GPAT4: variants seen among roughly 807,000 people sequenced by gnomAD.
GPAT4 encodes the protein 1-AGP acyltransferase 6.
Under a neutral mutation model 58.0 loss-of-function variants are expected in GPAT4, and 17 were observed. That is an observed-to-expected ratio of 0.29 (90% CI 0.20 to 0.44). The LOEUF is 0.44. Ranked by LOEUF, GPAT4 falls within the 20% of genes least tolerant of loss-of-function variation. The pLI is 1.00. For missense variants in GPAT4, 377 were observed against 574.5 expected, an observed-to-expected ratio of 0.66 and a Z score of 3.51; for synonymous variants, 204 against 210.1, an observed-to-expected ratio of 0.97 and a Z score of 0.25.
At chr8:41,582,695 G>GT (rs1554500376) in intron 1 of GPAT4, among the ~76,000 whole-genome samples, 78 of 147,534 alleles carry the variant, frequency 5.3e-4, no homozygotes, top group African/African-American at 1.9e-3. Flanking sequence ...GTGTGTGTGT[G>GT]GGTGTATCTC....
chr8:41,621,823 A>T lies in GPAT4; in HGVS notation c.*822A>T, dbSNP rs1043444. On this transcript the variant is annotated 3_prime_UTR_variant, in exon 13 of 13. Coordinates refer to ENST00000396987, the MANE Select transcript of GPAT4 (RefSeq NM_178819.4). Reference sequence around the variant, plus strand: ...CGTTCAGTGTTTCAAGTACAGGCCCACAAAACGGGGCACGGCAGGCCTGAG... The same window carrying T: ...CGTTCAGTGTTTCAAGTACAGGCCCTCAAAACGGGGCACGGCAGGCCTGAG... The T allele has an allele frequency of 1.3e-5, 2 of 152,250 alleles. No homozygotes were observed. The highest frequency in any genetic ancestry group is 2.9e-5 in the Non-Finnish European group (2 of 68,068). 9.4% of individuals were successfully genotyped at this position (152,250 alleles called of 1,614,324 possible). A position where few individuals can be genotyped will look rare whatever the true frequency, so the allele number is the denominator to read the frequency against.
chr8:41,612,079 T>C (rs770953644), intron 6 of GPAT4, 87 bp downstream of exon 6: 43 of 1,589,310 alleles, frequency 2.7e-5, no homozygotes, highest in Non-Finnish European at 1.6e-5. Context: ...AAGACACTTC[T>C]GAGCTTTTAG....
rs987236940 is a variant in GPAT4, at chr8:41,610,502, C to G, written c.537-234C>G. 96 of 1,387,182 alleles carry G rather than the reference C, an allele frequency of 6.9e-5. 1 individual carries two copies. The highest frequency in any genetic ancestry group is 7.7e-5 in the Non-Finnish European group (82 of 1,069,354). 85.9% of individuals were successfully genotyped at this position (1,387,182 alleles called of 1,614,324 possible). A position where few individuals can be genotyped will look rare whatever the true frequency, so the allele number is the denominator to read the frequency against. ...TTCCAGCCTTCCAGCTGCCTGAGGC[C>G]TCAGGAGATGCAGGCAGCTGAGAGC... is the stretch of plus-strand genomic sequence containing the variant. On this transcript the variant is annotated intron_variant, in intron 4 of 12. Coordinates refer to ENST00000396987, the MANE Select transcript of GPAT4 (RefSeq NM_178819.4).
intron 12 of GPAT4, among the ~76,000 whole-genome samples, chr8:41,620,686 C>A (rs1049524111): frequency 6.6e-6 from 1 of 152,126 alleles, no homozygotes; most frequent in Non-Finnish European, 1.5e-5. Context: ...CACCCAAGGG[C>A]AAGGGTAGAC....
chr8:41,610,927 A>G, intron 5 of GPAT4, 117 bp downstream of exon 5: 6 of 1,108,384 alleles, frequency 5.4e-6, no homozygotes, highest in Non-Finnish European at 6.2e-6. Flanking sequence ...TCTTAGATGG[A>G]TTAAATAACC....
At chr8:41,586,433 G>C (rs1802656142) in intron 1 of GPAT4, among the ~76,000 whole-genome samples, 1 of 152,130 alleles carries the variant, frequency 6.6e-6, no homozygotes, top group Admixed American at 6.6e-5. Context: ...ATGTACTTAG[G>C]AGTAGAATTG....
chr8:41,600,277 A>G (rs1001896878), intron 2 of GPAT4, among the ~76,000 whole-genome samples: 7 of 151,966 alleles, frequency 4.6e-5, no homozygotes, highest in Admixed American at 4.6e-4. Context: ...TGACCCCTCA[A>G]GTGATCTGTC....
chr8:41,595,332 T>C (rs1802900843), intron 1 of GPAT4, among the ~76,000 whole-genome samples: 1 of 141,852 alleles, frequency 7.0e-6, no homozygotes, highest in Non-Finnish European at 1.5e-5. Context: ...TTCCTTTTTT[T>C]TTTTTTTTTT....
At position 41,609,908 on chromosome 8, in the gene GPAT4, G is replaced by A. The variant is rs139697712; in HGVS notation, c.489G>A (p.Leu163=). 7.2e-4 allele frequency: 1,168 copies of A among 1,614,002 alleles called. 11 individuals are homozygous for A. The African/African-American group carries it at 0.013, about 19-fold the overall frequency. The change falls in exon 4 of 13, where the codon CTG becomes CTA. Residue 163 remains leucine, a synonymous_variant. Transcript: ENST00000396987. ...ACATCAGCCTTCGGCTCACGGTCCT[G>A]TGGGGGTTAGGAGTGCTGATTCGGT... ...FQYISLRLTV[L]WGLGVLIRYC... is the part of the protein sequence containing the mutation.
chr8:41,590,052 A>C (rs1296462528), intron 1 of GPAT4, among the ~76,000 whole-genome samples: 2 of 152,116 alleles, frequency 1.3e-5, no homozygotes, highest in Non-Finnish European at 2.9e-5. Context: ...CCACCACCAA[A>C]TTCTGATAAT....
intron 6 of GPAT4, 59 bp from the exon 7 acceptor site, chr8:41,612,119 GGT>G: frequency 3.8e-6 from 6 of 1,588,138 alleles, no homozygotes; most frequent in Non-Finnish European, 5.2e-6. Flanking sequence ...TGAGGTGAGA[GGT>G]GTGTTACATG....
At position 41,621,157 on chromosome 8, in the gene GPAT4, G is replaced by T. The variant is rs1404016747; in HGVS notation, c.*156G>T. Reference sequence around the variant, plus strand: ...CTCCGGCTTTCGCCGAGCCGCAGCGGGATCCCTGTGCACCCGGCGCAGCCT... The same window carrying T: ...CTCCGGCTTTCGCCGAGCCGCAGCGTGATCCCTGTGCACCCGGCGCAGCCT... On this transcript the variant is annotated 3_prime_UTR_variant, in exon 13 of 13. Transcript: ENST00000396987. The T allele has an allele frequency of 4.5e-6, 5 of 1,110,660 alleles. No homozygotes were observed. Among genetic ancestry groups the T allele is most frequent in the Non-Finnish European group, 5.0e-6 (4 of 793,940 alleles). The allele number at this position is 1,110,660 out of a possible 1,614,324, so 68.8% of individuals were successfully genotyped here. A position where few individuals can be genotyped will look rare whatever the true frequency, so the allele number is the denominator to read the frequency against.
chr8:41,595,832 CTG>C (rs1368797034), intron 1 of GPAT4, among the ~76,000 whole-genome samples: 4 of 151,404 alleles, frequency 2.6e-5, no homozygotes, highest in Non-Finnish European at 5.9e-5. Context: ...CTTTTCCTCT[CTG>C]TCTCTTTTCT....
intron 10 of GPAT4, among the ~76,000 whole-genome samples, chr8:41,615,653 TTGTTC>T (rs1490966988): frequency 6.6e-6 from 1 of 152,156 alleles, no homozygotes; most frequent in Non-Finnish European, 1.5e-5. Context: ...CATCTGCACA[TTGTTC>T]CTCCCCGCTC....
In GPAT4 at chr8:41,618,829, G is replaced by A. The variant is rs201050971; in HGVS notation, c.1182+17G>A. 759 of 1,614,142 alleles carry A rather than the reference G, an allele frequency of 4.7e-4. 9 individuals carry two copies. Among genetic ancestry groups the A allele is most frequent in the Admixed American group, 1.8e-4 (11 of 60,012 alleles). ...ACTAGAGAGGTGAGTGCCTGCCCCA[G>A]GCAGGTCTGCGCCTGCTCTGTGTAA... On this transcript the variant is annotated intron_variant, in intron 11 of 12. Transcript: ENST00000396987.
intron 2 of GPAT4, among the ~76,000 whole-genome samples, chr8:41,605,832 A>G (rs1173137541): frequency 1.3e-5 from 2 of 152,198 alleles, no homozygotes; most frequent in Non-Finnish European, 2.9e-5. Flanking sequence ...TCAGCCTCCT[A>G]AAGTTCTGGG....
At chr8:41,579,578 C>T (rs1027984655) in intron 1 of GPAT4, among the ~76,000 whole-genome samples, 1 of 152,096 alleles carries the variant, frequency 6.6e-6, no homozygotes, top group African/African-American at 2.4e-5. Flanking sequence ...TGACTCACGC[C>T]GGTAATCCCA....
At chr8:41,583,708 T>C (rs1802583411) in intron 1 of GPAT4, among the ~76,000 whole-genome samples, 1 of 152,212 alleles carries the variant, frequency 6.6e-6, no homozygotes, top group Non-Finnish European at 1.5e-5. Flanking sequence ...TCACTGTCAG[T>C]GGAACATAAA....
chr8:41,583,311 A>T (rs1802571465), intron 1 of GPAT4, among the ~76,000 whole-genome samples: 1 of 151,956 alleles, frequency 6.6e-6, no homozygotes, highest in Admixed American at 6.6e-5. Flanking sequence ...CATTCGTTCC[A>T]TTTAAGTTTT....
Sources: gnomAD v4.1 joint callset for allele counts (sites outside exome capture counted in the v4.1 genomes callset) on GRCh38, gnomAD v4.1.1 for gene constraint, MANE v1.5 for transcripts, NCBI Gene and HGNC (gene_info 2026-07-23, HGNC 2026-07-21) for gene names.